The following ENPP2 variants were observed in gnomAD, a reference collection of about 807,000 sequenced individuals.
The protein encoded by ENPP2 is autotaxin.
A neutral mutation model predicts 120.2 loss-of-function variants in ENPP2; 51 were observed. The observed-to-expected ratio is 0.42, with a 90% CI of 0.34 to 0.54. The LOEUF (loss-of-function observed/expected upper bound fraction) is 0.54. Among genes scored for constraint, ENPP2 ranks in the 20% least tolerant of loss-of-function variants. The pLI, the probability that ENPP2 is intolerant of heterozygous loss-of-function variation, is 0.04. For missense variants in ENPP2, 920 were observed against 1,066.5 expected (o/e 0.86, Z 1.91); for synonymous variants, 365 against 366.4 (o/e 1.00, Z 0.04).
intron 8 of ENPP2, among the ~76,000 whole-genome samples, chr8:119,612,808 T>C (rs1815203673): frequency 5.9e-5 from 9 of 152,156 alleles, no homozygotes; most frequent in Admixed American, 5.2e-4. Context: ...GAGTGTTGCT[T>C]GAGCCCGAGA....
At chr8:119,559,785 T>C (rs909407494) in intron 24 of ENPP2, among the ~76,000 whole-genome samples, 4 of 152,244 alleles carry the variant, frequency 2.6e-5, no homozygotes, top group Non-Finnish European at 4.4e-5. Flanking sequence ...TTCCTCATTA[T>C]GGACATTGAT....
rs940080168 is a variant in ENPP2, at chr8:119,662,881, C to T, written c.21+10371G>A. On this transcript the variant is annotated intron_variant, in intron 1 of 25. Transcript: ENST00000427067. ...ATCCCAGGACTTTGGGAGGCCAAGG[C>T]GGGAGGATCACTTGAGGTCAGGAGT... Among the ~76,000 whole-genome samples the T allele has an allele frequency of 3.9e-5, 6 of 152,108 alleles. No homozygotes were observed. In the East Asian group the frequency reaches 9.6e-4, roughly 24 times the overall value.
rs545293724 is a variant in ENPP2 at position 119,598,418 on chromosome 8, A to G, written c.972+2260T>C. On this transcript the variant is annotated intron_variant, in intron 11 of 24. Coordinates refer to ENST00000075322, the MANE Select transcript of ENPP2 (RefSeq NM_001040092.3). ...TTTCAACTCTTAATTCAAAGGTACT[A>G]TAGGAAAAATCTCTGTTTATATATT... 1.1e-4 allele frequency among the ~76,000 whole-genome samples: 16 copies of G among 152,362 alleles called. No homozygotes were observed. The East Asian group carries it at 3.1e-3, about 29-fold the overall frequency.
intron 7 of ENPP2, among the ~76,000 whole-genome samples, chr8:119,616,695 T>C (rs1052610073): frequency 6.6e-6 from 1 of 152,182 alleles, no homozygotes; most frequent in Non-Finnish European, 1.5e-5. Flanking sequence ...TTGGAATGTA[T>C]ACATGTGCCT....
chr8:119,601,773 T>C (rs924438511), intron 9 of ENPP2, among the ~76,000 whole-genome samples: 2 of 152,146 alleles, frequency 1.3e-5, no homozygotes, highest in Non-Finnish European at 2.9e-5. Flanking sequence ...TTCAGAATCA[T>C]TGTCATTTAT....
intron 17 of ENPP2, among the ~76,000 whole-genome samples, 196 bp downstream of exon 17, chr8:119,583,521 C>G (rs1414878222): frequency 6.6e-6 from 1 of 152,212 alleles, no homozygotes; most frequent in Non-Finnish European, 1.5e-5. Flanking sequence ...CATTAGTCAA[C>G]TGTTGAAGGA....
At chr8:119,644,623 T>TATATATATATATATACAC (rs1563768976) in intron 1 of ENPP2, among the ~76,000 whole-genome samples, 4 of 97,250 alleles carry the variant, frequency 4.1e-5, no homozygotes, top group African/African-American at 1.6e-4. Flanking sequence ...TATATATATA[T>TATATATATATATATACAC]ATACACACAC....
intron 12 of ENPP2, among the ~76,000 whole-genome samples, chr8:119,590,848 A>G (rs1813446648): frequency 1.3e-5 from 2 of 152,084 alleles, no homozygotes; most frequent in African/African-American, 4.8e-5. Flanking sequence ...TCATCTTGCA[A>G]GCACTAGAAG....
At chr8:119,624,042 CT>C (rs1302116819) in intron 3 of ENPP2, among the ~76,000 whole-genome samples, 1 of 152,138 alleles carries the variant, frequency 6.6e-6, no homozygotes, top group Non-Finnish European at 1.5e-5. Context: ...TCTAAGGTTG[CT>C]TTGACTCTAG....
intron 1 of ENPP2, among the ~76,000 whole-genome samples, chr8:119,651,067 G>C (rs866024769): frequency 1.3e-5 from 2 of 152,188 alleles, no homozygotes; most frequent in Middle Eastern, 6.8e-3. Flanking sequence ...CAGAAAGGCT[G>C]TCCATAGATA....
chr8:119,572,288 T>C, intron 19 of ENPP2: 1 of 1,430,546 alleles, frequency 7.0e-7, no homozygotes, highest in Non-Finnish European at 9.6e-7. Flanking sequence ...GAGAAGCTAT[T>C]CTCTTTTCAT....
intron 13 of ENPP2, among the ~76,000 whole-genome samples, chr8:119,587,386 C>T (rs949077747): frequency 9.2e-5 from 14 of 152,172 alleles, no homozygotes; most frequent in Admixed American, 3.3e-4. Flanking sequence ...TAAGTTCCCC[C>T]TAATGGTTCC....
chr8:119,572,358 C>T, intron 19 of ENPP2: 2 of 821,254 alleles, frequency 2.4e-6, no homozygotes, highest in Non-Finnish European at 4.0e-6. Flanking sequence ...AGCTTGGCAT[C>T]TAATCGATTC....
At chr8:119,660,955 G>A (rs1817903109) in intron 1 of ENPP2, among the ~76,000 whole-genome samples, 1 of 152,202 alleles carries the variant, frequency 6.6e-6, no homozygotes, top group African/African-American at 2.4e-5. Context: ...GAAAATATTT[G>A]TAAGCCATAC....
intron 24 of ENPP2, among the ~76,000 whole-genome samples, chr8:119,562,297 G>C (rs1290728552): frequency 1.3e-5 from 2 of 151,782 alleles, no homozygotes; most frequent in Non-Finnish European, 2.9e-5. Context: ...ACAAAAATTA[G>C]CTGGGCATGG....
At chr8:119,610,574 G>T (rs1430586280) in intron 8 of ENPP2, among the ~76,000 whole-genome samples, 1 of 151,806 alleles carries the variant, frequency 6.6e-6, no homozygotes, top group Non-Finnish European at 1.5e-5. Flanking sequence ...CTCTGAATTT[G>T]AATGCAATAT....
At chr8:119,607,767 G>GAA (rs1327407077) in intron 9 of ENPP2, among the ~76,000 whole-genome samples, 155 bp downstream of exon 9, 3 of 151,748 alleles carry the variant, frequency 2.0e-5, no homozygotes, top group Non-Finnish European at 4.4e-5. Flanking sequence ...AGGATCTCAG[G>GAA]AAAAAAACAC....
intron 20 of ENPP2, among the ~76,000 whole-genome samples, chr8:119,569,655 T>C (rs942682781): frequency 4.6e-5 from 7 of 151,702 alleles, no homozygotes; most frequent in Non-Finnish European, 8.8e-5. Flanking sequence ...ACTGTTGAAA[T>C]AATAAATAGA....
At chr8:119,577,860 C>T (rs753543749) in intron 19 of ENPP2, among the ~76,000 whole-genome samples, 6 of 152,140 alleles carry the variant, frequency 3.9e-5, no homozygotes, top group South Asian at 4.1e-4. Context: ...AAACTTTAAG[C>T]TTCAGCGGTA....
Sources: allele counts gnomAD v4.1 joint callset (sites outside exome capture counted in the v4.1 genomes callset), GRCh38; gene constraint gnomAD v4.1.1; transcripts MANE v1.5; gene names NCBI Gene and HGNC (gene_info 2026-07-23, HGNC 2026-07-21).